The following TRAM2 variants were observed in gnomAD, a reference collection of about 807,000 sequenced individuals.
TRAM2 encodes the protein translocating chain-associated membrane protein 2.
Under a neutral mutation model 51.0 loss-of-function variants are expected in TRAM2, and 12 were observed. The ratio of observed to expected loss-of-function variants is 0.24; its 90% CI spans 0.15 to 0.38. The LOEUF (loss-of-function observed/expected upper bound fraction) is 0.38. TRAM2 is among the 10% of genes least tolerant of loss of function. The pLI is 1.00. For missense variants in TRAM2, 361 were observed against 462.0 expected (o/e 0.78, Z 2.00); for synonymous variants, 175 against 179.4 (o/e 0.98, Z 0.20).
intron 2 of TRAM2, among the ~76,000 whole-genome samples, chr6:52,522,564 C>T (rs1562479177): frequency 6.6e-6 from 1 of 152,240 alleles, no homozygotes; most frequent in Non-Finnish European, 1.5e-5. Flanking sequence ...ACCTTTCCAA[C>T]ACCAATACTC....
chr6:52,550,518 G>A (rs980084708), intron 1 of TRAM2, among the ~76,000 whole-genome samples: 3 of 152,000 alleles, frequency 2.0e-5, no homozygotes, highest in Non-Finnish European at 2.9e-5. Flanking sequence ...CCTCATCAAC[G>A]TAACTGCTGG....
intron 5 of TRAM2, 81 bp downstream of exon 5, chr6:52,509,447 T>C: frequency 2.9e-6 from 4 of 1,380,652 alleles, no homozygotes; most frequent in Non-Finnish European, 4.1e-6. Context: ...GGGCCTGTGG[T>C]GTTCTGGCCA....
chr6:52,522,738 C>T (rs911852494), intron 2 of TRAM2: 1 of 579,510 alleles, frequency 1.7e-6, no homozygotes, highest in African/African-American at 1.9e-5. Context: ...TCTTTGATTA[C>T]AGTTTAAAGA....
At chr6:52,504,078 G>A (rs2114058215) in intron 10 of TRAM2, among the ~76,000 whole-genome samples, 1 of 152,322 alleles carries the variant, frequency 6.6e-6, no homozygotes. Context: ...GATGACTGGA[G>A]TGCGTGCACG....
At chr6:52,544,871 C>T (rs1767170151) in intron 1 of TRAM2, among the ~76,000 whole-genome samples, 1 of 152,124 alleles carries the variant, frequency 6.6e-6, no homozygotes, top group Admixed American at 6.5e-5. Context: ...ACACCAAAGG[C>T]AGGGCCTCAG....
At chr6:52,511,955 G>A (rs1014815399) in intron 4 of TRAM2, among the ~76,000 whole-genome samples, 3 of 152,124 alleles carry the variant, frequency 2.0e-5, no homozygotes, top group Admixed American at 1.3e-4. Flanking sequence ...GGGTGGTGGC[G>A]TGTGTGGTGG....
rs554978874 is a variant in TRAM2, at chr6:52,528,673, G to T, written c.184+7110C>A. On this transcript the variant is annotated intron_variant, in intron 2 of 10. Coordinates refer to ENST00000182527, the MANE Select transcript of TRAM2 (RefSeq NM_012288.4). ...GGCCTTTCATCTCTGGCTGCAAAAT[G>T]CAACAGAGCAGATGGTAGTAATAAA... Among the ~76,000 whole-genome samples the T allele has an allele frequency of 7.9e-5, 12 of 152,262 alleles. No individual in the cohort carries two copies. The South Asian group carries it at 2.5e-3, about 32-fold the overall frequency.
At chr6:52,517,137 GT>G (rs1242060579) in intron 2 of TRAM2, 1 of 176,798 alleles carries the variant, frequency 5.7e-6, no homozygotes, top group Non-Finnish European at 1.2e-5. Flanking sequence ...TGGGACTATA[GT>G]TATGCTTTCT....
intron 1 of TRAM2, among the ~76,000 whole-genome samples, chr6:52,562,961 G>T (rs984668904): frequency 5.3e-5 from 8 of 152,156 alleles, no homozygotes; most frequent in Non-Finnish European, 1.0e-4. Context: ...AAAAGGACCA[G>T]TACAATTTGT....
intron 1 of TRAM2, among the ~76,000 whole-genome samples, chr6:52,573,015 C>T (rs2114112396): frequency 6.6e-6 from 1 of 152,264 alleles, no homozygotes; most frequent in East Asian, 1.9e-4. Context: ...ACCAAACCTA[C>T]AAATGATAGG....
intron 1 of TRAM2, among the ~76,000 whole-genome samples, chr6:52,566,303 T>C (rs746585617): frequency 6.6e-6 from 1 of 152,064 alleles, no homozygotes; most frequent in Admixed American, 6.5e-5. Flanking sequence ...ATGAAACATA[T>C]GAGAAAGAGA....
chr6:52,517,959 T>G (rs1240470775), intron 2 of TRAM2, among the ~76,000 whole-genome samples: 1 of 152,128 alleles, frequency 6.6e-6, no homozygotes, highest in Non-Finnish European at 1.5e-5. Context: ...CAGACAAACT[T>G]TCCTTTTTCC....
intron 1 of TRAM2, among the ~76,000 whole-genome samples, chr6:52,557,960 T>C (rs1767437691): frequency 6.6e-6 from 1 of 152,116 alleles, no homozygotes; most frequent in Non-Finnish European, 1.5e-5. Flanking sequence ...TAGAGGAAGC[T>C]GAGCTTGCAA....
chr6:52,508,543 A>G (rs1435324186), intron 5 of TRAM2, among the ~76,000 whole-genome samples: 2 of 152,248 alleles, frequency 1.3e-5, no homozygotes, highest in East Asian at 1.9e-4. Context: ...AAGGACACGG[A>G]AAGTCCACAG....
intron 10 of TRAM2, 87 bp downstream of exon 10, chr6:52,504,504 C>A (rs761432708): frequency 6.3e-7 from 1 of 1,580,584 alleles, no homozygotes; most frequent in Non-Finnish European, 8.6e-7. Context: ...CTGGGCAGCG[C>A]CCAAGAAGCC....
chr6:52,522,237 C>T (rs1344314988), intron 2 of TRAM2, among the ~76,000 whole-genome samples: 2 of 152,232 alleles, frequency 1.3e-5, no homozygotes, highest in African/African-American at 2.4e-5. Context: ...CTGGCAGCCT[C>T]GATGTCAGGA....
intron 5 of TRAM2, 26 bp from the exon 6 acceptor site, chr6:52,508,344 G>A (rs184247749): frequency 4.4e-6 from 7 of 1,608,244 alleles, no homozygotes; most frequent in East Asian, 2.2e-5. Flanking sequence ...CAAGTCACAC[G>A]GGCAGGATAG....
chr6:52,504,836 C>T, intron 9 of TRAM2, 82 bp from the exon 10 acceptor site: 1 of 1,361,014 alleles, frequency 7.3e-7, no homozygotes, highest in Non-Finnish European at 1.0e-6. Flanking sequence ...GAACAAGGGC[C>T]AGGGGCCCTG....
chr6:52,528,298 A>G (rs1766820115), intron 2 of TRAM2, among the ~76,000 whole-genome samples: 1 of 152,008 alleles, frequency 6.6e-6, no homozygotes, highest in Admixed American at 6.6e-5. Flanking sequence ...CTCCAGGTGT[A>G]TGGGCCACAG....
Sources: gnomAD v4.1 joint callset for allele counts (sites outside exome capture counted in the v4.1 genomes callset) on GRCh38, gnomAD v4.1.1 for gene constraint, MANE v1.5 for transcripts, NCBI Gene and HGNC (gene_info 2026-07-23, HGNC 2026-07-21) for gene names.